ATRX: variants seen among roughly 807,000 people sequenced by gnomAD.
The protein encoded by ATRX is chromatin remodeler ATRX.
ATRX carries 12 observed loss-of-function variants against 172.6 expected under a neutral mutation model. The ratio of observed to expected loss-of-function variants is 0.07; its 90% confidence interval spans 0.04 to 0.11. ATRX has a LOEUF of 0.11. Ranked by LOEUF, ATRX falls within the 10% of genes least tolerant of loss-of-function variation. ATRX has a pLI of 1.00. For missense variants in ATRX, 1,368 were observed against 1,767.4 expected (o/e 0.77, Z 4.05); for synonymous variants, 674 against 594.7 (o/e 1.13, Z -1.94).
At position 77,682,761 on chromosome X, in the gene ATRX, C is replaced by G. The variant is rs1156857221; in HGVS notation, c.2495G>C (p.Gly832Ala). 1.7e-6 allele frequency: 2 copies of G among 1,208,393 alleles called. No homozygotes were observed. The highest frequency in any genetic ancestry group is 2.2e-6 in the Non-Finnish European group (2 of 894,753). The change falls in exon 9 of 35, where the codon GGT (glycine) becomes GCT (alanine). Residue 832 changes from glycine to alanine, a missense_variant. Physicochemically the swap from Gly to Ala is moderately conservative, Grantham distance 60 (BLOSUM62 0). Coordinates refer to ENST00000373344, the MANE Select transcript of ATRX (RefSeq NM_000489.6). ...EKEIKSMSKIGAARTTKKRIP... is the reference protein window; with the variant it reads ...EKEIKSMSKIAAARTTKKRIP... ...TCTTTTTTTGGTGGTTCTGGCAGCA[C>G]CAATTTTACTCATGCTCTTTATCTC...
At chrX:77,542,449 C>A (rs1185700515) in intron 30 of ATRX, among the ~76,000 whole-genome samples, 1 of 111,617 alleles carries the variant, frequency 9.0e-6, no homozygotes, top group Non-Finnish European at 1.9e-5. Flanking sequence ...ACTTTATTCA[C>A]AGAATTGGAA....
intron 15 of ATRX, among the ~76,000 whole-genome samples, chrX:77,651,544 A>G (rs1221163991): frequency 4.5e-5 from 5 of 111,869 alleles, no homozygotes. Context: ...ACAGTAGGAA[A>G]AATCAATTGC....
chrX:77,609,439 A>C (rs1328574159), intron 22 of ATRX, among the ~76,000 whole-genome samples: 2 of 112,116 alleles, frequency 1.8e-5, no homozygotes, highest in African/African-American at 6.5e-5. Flanking sequence ...AACAACATGA[A>C]ACAGCACGAA....
At chrX:77,739,022 CGTG>C (rs2074734081) in intron 1 of ATRX, among the ~76,000 whole-genome samples, 1 of 110,991 alleles carries the variant, frequency 9.0e-6, no homozygotes, top group Non-Finnish European at 1.9e-5. Context: ...CTGGGGAATA[CGTG>C]GTATTTGGTT....
chrX:77,745,529 T>G (rs1178318661), intron 1 of ATRX, among the ~76,000 whole-genome samples: 8 of 111,648 alleles, frequency 7.2e-5, no homozygotes, highest in African/African-American at 2.6e-4. Context: ...TTGTGGTATC[T>G]AAAAATCAAA....
intron 12 of ATRX, among the ~76,000 whole-genome samples, chrX:77,661,073 C>A (rs1171276309): frequency 8.9e-6 from 1 of 111,919 alleles, no homozygotes; most frequent in Non-Finnish European, 1.9e-5. Flanking sequence ...CATATGATAT[C>A]TTTGATTAAA....
At chrX:77,528,966 C>A (rs1449944874) in intron 30 of ATRX, among the ~76,000 whole-genome samples, 1 of 112,212 alleles carries the variant, frequency 8.9e-6, no homozygotes, top group East Asian at 2.8e-4. Flanking sequence ...TAGAGAGGAA[C>A]ATAACCAACC....
intron 1 of ATRX, among the ~76,000 whole-genome samples, chrX:77,735,637 A>AATAAAAAT (rs1422350357): frequency 1.2e-5 from 1 of 86,496 alleles, no homozygotes; most frequent in Non-Finnish European, 2.3e-5. Context: ...TAAATAAATA[A>AATAAAAAT]AAATAAATAC....
At chrX:77,766,932 T>G (rs1435785166) in intron 1 of ATRX, among the ~76,000 whole-genome samples, 1 of 112,319 alleles carries the variant, frequency 8.9e-6, no homozygotes, top group Non-Finnish European at 1.9e-5. Flanking sequence ...TGGGCACCAT[T>G]GAGCACTGAG....
At chrX:77,608,992 A>T (rs1328802506) in intron 22 of ATRX, among the ~76,000 whole-genome samples, 1 of 111,835 alleles carries the variant, frequency 8.9e-6, no homozygotes, top group African/African-American at 3.3e-5. Flanking sequence ...AAGAAAAGGT[A>T]CTCAACATCA....
At chrX:77,573,755 T>C (rs2065504580) in intron 28 of ATRX, among the ~76,000 whole-genome samples, 1 of 111,684 alleles carries the variant, frequency 9.0e-6, no homozygotes, top group African/African-American at 3.2e-5. Flanking sequence ...GAAAACTGCT[T>C]GATAGTTTCT....
intron 15 of ATRX, among the ~76,000 whole-genome samples, chrX:77,636,412 G>A (rs1442374465): frequency 9.0e-6 from 1 of 111,312 alleles, no homozygotes; most frequent in African/African-American, 3.3e-5. Flanking sequence ...CACCATGTGA[G>A]GTGCCTCACT....
chrX:77,673,411 C>T (rs2070721296), intron 10 of ATRX, among the ~76,000 whole-genome samples: 1 of 110,872 alleles, frequency 9.0e-6, no homozygotes, highest in South Asian at 3.7e-4. Flanking sequence ...CATTGAGAAA[C>T]TACATAAAGC....
chrX:77,773,599 A>G (rs1315846661), intron 1 of ATRX, among the ~76,000 whole-genome samples: 5 of 110,559 alleles, frequency 4.5e-5, no homozygotes, highest in African/African-American at 9.9e-5. Flanking sequence ...TAAAAATATA[A>G]AAATTAGCTG....
intron 22 of ATRX, among the ~76,000 whole-genome samples, chrX:77,601,546 G>A (rs1278896479): frequency 9.2e-6 from 1 of 108,729 alleles, no homozygotes; most frequent in Non-Finnish European, 1.9e-5. Flanking sequence ...TATTAGCTCT[G>A]CTCTATCCAG....
intron 10 of ATRX, among the ~76,000 whole-genome samples, chrX:77,673,481 T>A (rs1175561848): frequency 1.8e-5 from 2 of 111,580 alleles, no homozygotes; most frequent in African/African-American, 6.5e-5. Flanking sequence ...TACTTTTTTT[T>A]ATAAAAAGCT....
chrX:77,658,570 A>C (rs188641844), intron 12 of ATRX, among the ~76,000 whole-genome samples: 1 of 112,688 alleles, frequency 8.9e-6, no homozygotes, highest in African/African-American at 3.2e-5. Flanking sequence ...CATTTTATGT[A>C]AAAAGTTTGA....
At chrX:77,762,229 G>A (rs1369742225) in intron 1 of ATRX, among the ~76,000 whole-genome samples, 5 of 105,762 alleles carry the variant, frequency 4.7e-5, no homozygotes, top group African/African-American at 1.0e-4. Context: ...GCATGAATCC[G>A]GGAGGTGGAG....
At chrX:77,558,270 T>C (rs1284723226) in intron 29 of ATRX, among the ~76,000 whole-genome samples, 1 of 110,897 alleles carries the variant, frequency 9.0e-6, no homozygotes, top group Non-Finnish European at 1.9e-5. Context: ...GAAAATTGAA[T>C]AAATAAACAA....
Sources: gnomAD v4.1 joint callset for allele counts (sites outside exome capture counted in the v4.1 genomes callset) on GRCh38, gnomAD v4.1.1 for gene constraint, MANE v1.5 for transcripts, NCBI Gene and HGNC (gene_info 2026-07-23, HGNC 2026-07-21) for gene names.